ERICH3: variants seen among roughly 807,000 people sequenced by gnomAD.
ERICH3 encodes the protein glutamate rich 3.
Under a neutral mutation model 131.1 loss-of-function variants are expected in ERICH3, and 126 were observed. That is an observed-to-expected ratio of 0.96 (90% CI 0.83 to 1.11). ERICH3 has a LOEUF of 1.11. ERICH3 is among the 50% of genes most tolerant of loss of function. The pLI is 0.00. For synonymous variants in ERICH3, 695 were observed against 644.6 expected, an observed-to-expected ratio of 1.08 and a Z score of -1.18; for missense variants, 2,050 against 1,810.7, an observed-to-expected ratio of 1.13 and a Z score of -2.40.
At chr1:74,599,955 T>C (rs773757550) in intron 10 of ERICH3, 24 bp from the exon 11 acceptor site, 8 of 1,547,548 alleles carry the variant, frequency 5.2e-6, no homozygotes, top group Admixed American at 3.6e-5. Context: ...ATCTCCACTA[T>C]AAGAATGAAA....
chr1:74,641,581 C>G, intron 4 of ERICH3, 122 bp from the exon 5 acceptor site: 1 of 1,230,374 alleles, frequency 8.1e-7, no homozygotes, highest in African/African-American at 1.6e-5. Flanking sequence ...CCAAGAGTTA[C>G]TTTTGTTAAG....
chr1:74,636,291 A>G lies in ERICH3; in HGVS notation c.592T>C (p.Phe198Leu). 6.2e-7 allele frequency: 1 copy of G among 1,606,006 alleles called. No individual in the cohort carries two copies. Among genetic ancestry groups the G allele is most frequent in the Non-Finnish European group, 8.5e-7 (1 of 1,176,186 alleles). The change falls in exon 6 of 15, where the codon TTT becomes CTT. Residue 198 changes from phenylalanine (F) to leucine (L), a missense_variant. Transcript: ENST00000326665. ...KTSLLENEAL[F>L]PIGGKKAVMK... ...AAAATAACATTTACCCCAATGGGAA[A>G]CAGAGCTTCATTTTCCAGCAATGAG...
rs558628317 is a variant in ERICH3, at chr1:74,571,818, C to T, written c.3892G>A (p.Glu1298Lys). 1.9e-5 allele frequency: 30 copies of T among 1,613,360 alleles called. No homozygotes were observed. In the South Asian group the frequency reaches 3.0e-4, roughly 16 times the overall value. The part of the protein sequence containing the change: ...EAVDEDPEEE[E>K]DKECTLETEA... ...GTCTCCAGAGTGCACTCTTTGTCCT[C>T]TTCCTCCTCTGGGTCCTCATCCACC... is the stretch of plus-strand genomic sequence containing the variant. The change falls in exon 14 of 15, where the codon GAG (glutamate) becomes AAG (lysine). Residue 1298 changes from glutamate (E) to lysine (K), a missense_variant. By Grantham distance (56) the Glu-to-Lys change is moderately conservative. Coordinates refer to ENST00000326665, the MANE Select transcript of ERICH3 (RefSeq NM_001002912.5).
intron 3 of ERICH3, 53 bp downstream of exon 3, chr1:74,646,614 A>G: frequency 9.8e-7 from 1 of 1,020,068 alleles, no homozygotes. Flanking sequence ...ATCTTCAGTG[A>G]TGTGGAAGTA....
Position 74,579,764 on chromosome 1 carries a change from C to T in ERICH3, c.2177-2828G>A, listed in dbSNP as rs888397393. The T allele has an allele frequency of 5.1e-6, 5 of 985,250 alleles. No homozygotes were observed. In the South Asian group the frequency reaches 1.4e-4, roughly 28 times the overall value. The allele number at this position is 985,250 out of a possible 1,614,324, so 61.0% of individuals were successfully genotyped here. ...AGCAATGTGACATATCACTTTGTTG[C>T]CTCTCTGTATTTAGCCCTTCATCCC... On this transcript the variant is annotated intron_variant, in intron 12 of 14. Transcript: ENST00000326665.
intron 7 of ERICH3, chr1:74,622,742 T>C (rs1377260235): frequency 1.3e-5 from 2 of 152,178 alleles, no homozygotes; most frequent in African/African-American, 4.8e-5. Flanking sequence ...CTGTGTCCTG[T>C]GTATGAAATG....
intron 11 of ERICH3, among the ~76,000 whole-genome samples, 200 bp downstream of exon 11, chr1:74,599,495 A>G (rs1446317260): frequency 5.9e-5 from 9 of 151,968 alleles, no homozygotes; most frequent in Admixed American, 3.9e-4. Context: ...TACCTGGGTG[A>G]TGAAATAACG....
chr1:74,630,461 A>G (rs1649555186), intron 7 of ERICH3, among the ~76,000 whole-genome samples: 1 of 152,182 alleles, frequency 6.6e-6, no homozygotes, highest in Non-Finnish European at 1.5e-5. Flanking sequence ...TTGCCCATGA[A>G]TGAGGCCAAC....
intron 6 of ERICH3, among the ~76,000 whole-genome samples, chr1:74,634,445 A>T (rs1241920270): frequency 6.6e-6 from 1 of 152,070 alleles, no homozygotes; most frequent in Non-Finnish European, 1.5e-5. Flanking sequence ...TACATACCCC[A>T]AAAACTTGAA....
chr1:74,673,395 C>G, intron 1 of ERICH3, 102 bp downstream of exon 1: 1 of 1,440,940 alleles, frequency 6.9e-7, no homozygotes, highest in South Asian at 1.2e-5. Context: ...CTCCCCCTCG[C>G]TCCCCTCTCG....
In ERICH3 at chr1:74,571,174, A is replaced by G. The variant is rs1478124998; in HGVS notation, c.4536T>C (p.His1512=). 1 of 1,614,032 alleles carries G rather than the reference A, an allele frequency of 6.2e-7. No homozygotes were observed. Among genetic ancestry groups the G allele is most frequent in the Non-Finnish European group, 8.5e-7 (1 of 1,179,994 alleles). The part of the protein sequence containing the change: ...DFTETREKQQ[H]MVQGESETAD... ...CAGTCTCGCTTTCTCCTTGCACCATATGCTGTTGCTTCTCTCGGGTTTCAG... is the reference window on the plus strand; with the variant it reads ...CAGTCTCGCTTTCTCCTTGCACCATGTGCTGTTGCTTCTCTCGGGTTTCAG... The change falls in exon 14 of 15, where the codon CAT becomes CAC. Residue 1512 remains histidine, a synonymous_variant. Transcript: ENST00000326665.
At chr1:74,575,354 G>T (rs1314490134) in intron 13 of ERICH3, among the ~76,000 whole-genome samples, 1 of 152,156 alleles carries the variant, frequency 6.6e-6, no homozygotes, top group African/African-American at 2.4e-5. Context: ...AAAATTTCAG[G>T]TCTATCAATA....
At chr1:74,576,396 G>A (rs1647054454) in intron 13 of ERICH3, among the ~76,000 whole-genome samples, 1 of 152,140 alleles carries the variant, frequency 6.6e-6, no homozygotes, top group African/African-American at 2.4e-5. Context: ...AAAGATATGG[G>A]TTCTCTAAGA....
intron 13 of ERICH3, 57 bp from the exon 14 acceptor site, chr1:74,573,548 G>A: frequency 1.4e-6 from 2 of 1,458,980 alleles, no homozygotes; most frequent in Non-Finnish European, 9.0e-7. Flanking sequence ...CAAGGGAGGG[G>A]ACACTATAAT....
intron 6 of ERICH3, among the ~76,000 whole-genome samples, chr1:74,635,903 C>A (rs1432006446): frequency 6.6e-6 from 1 of 152,158 alleles, no homozygotes; most frequent in Non-Finnish European, 1.5e-5. Flanking sequence ...CAAACCTATT[C>A]TTGGAAAGTT....
At chr1:74,640,128 A>G (rs1460304851) in intron 5 of ERICH3, among the ~76,000 whole-genome samples, 1 of 152,168 alleles carries the variant, frequency 6.6e-6, no homozygotes. Flanking sequence ...TGTATCATAA[A>G]CTATTTATTG....
At chr1:74,581,371 TTTG>T (rs568952268) in intron 12 of ERICH3, among the ~76,000 whole-genome samples, 2 of 152,116 alleles carry the variant, frequency 1.3e-5, no homozygotes, top group Non-Finnish European at 2.9e-5. Context: ...GTTTATTACT[TTTG>T]TTGTTGTTGT....
chr1:74,599,940 G>T lies in ERICH3; in HGVS notation c.1490-9C>A, dbSNP rs1303137180. ...AAAGTCTTCTTCATACTCTGAAATAGGAAAATCTCCACTATAAGAATGAAA... is the reference window on the plus strand; with the variant it reads ...AAAGTCTTCTTCATACTCTGAAATATGAAAATCTCCACTATAAGAATGAAA... On this transcript the variant is annotated splice_polypyrimidine_tract_variant and intron_variant, in intron 10 of 14. Transcript: ENST00000326665. The T allele has an allele frequency of 6.3e-7, 1 of 1,582,860 alleles. No homozygotes were observed. Among genetic ancestry groups the T allele is most frequent in the East Asian group, 2.2e-5 (1 of 44,678 alleles).
At chr1:74,646,444 T>C (rs2100639505) in intron 3 of ERICH3, among the ~76,000 whole-genome samples, 1 of 152,208 alleles carries the variant, frequency 6.6e-6, no homozygotes, top group South Asian at 2.1e-4. Flanking sequence ...TACGCTAGAC[T>C]TCTGGCTCCT....
Sources: allele counts gnomAD v4.1 joint callset (sites outside exome capture counted in the v4.1 genomes callset), GRCh38; gene constraint gnomAD v4.1.1; transcripts MANE v1.5; gene names NCBI Gene and HGNC (gene_info 2026-07-23, HGNC 2026-07-21).